Variants in TRPC4AP observed in about 807,000 individuals in gnomAD.
TRPC4AP encodes transient receptor potential cation channel subfamily C member 4 associated protein, also known as short transient receptor potential channel 4-associated protein.
TRPC4AP carries 45 observed loss-of-function variants against 99.0 expected under a neutral mutation model. The observed-to-expected ratio is 0.45, with a 90% CI of 0.36 to 0.58. The LOEUF is 0.58. Among genes scored for constraint, TRPC4AP ranks in the 20% least tolerant of loss-of-function variants. The pLI, the probability that TRPC4AP is intolerant of heterozygous loss-of-function variation, is 0.00. For synonymous variants in TRPC4AP, 408 were observed against 385.8 expected, an observed-to-expected ratio of 1.06 and a Z score of -0.67; for missense variants, 879 against 985.3, an observed-to-expected ratio of 0.89 and a Z score of 1.44.
chr20:35,091,321 G>A (rs558407709), intron 1 of TRPC4AP, among the ~76,000 whole-genome samples: 1 of 152,206 alleles, frequency 6.6e-6, no homozygotes, highest in African/African-American at 2.4e-5. Flanking sequence ...CTCATCTATG[G>A]TTGTGTGATG....
rs773894861 is a variant in TRPC4AP, at chr20:35,003,289, C to T, written c.2257-6G>A. 8 of 1,612,962 alleles carry T rather than the reference C, an allele frequency of 5.0e-6. No individual in the cohort carries two copies. The East Asian group carries it at 1.3e-4, about 27-fold the overall frequency. ...GAGAAGCTGATGCAGGAGCTCTGGG[C>T]AAAGAGGGAGGGGCTGGGGGGCGCC... is the stretch of plus-strand genomic sequence containing the variant. On this transcript the variant is annotated splice_polypyrimidine_tract_variant and splice_region_variant and intron_variant, in intron 18 of 18. Transcript: ENST00000252015.
At position 35,002,720 on chromosome 20, in the gene TRPC4AP, AGAAGCCTTTGCCTGGGTCC is replaced by A; in HGVS notation, c.*407_*425del. 1 of 181,342 alleles carries A rather than the reference AGAAGCCTTTGCCTGGGTCC, an allele frequency of 5.5e-6. No homozygotes were observed. The highest frequency in any genetic ancestry group is 1.5e-4 in the East Asian group (1 of 6,528). The allele number at this position is 181,342 out of a possible 1,614,324, so 11.2% of individuals were successfully genotyped here. On this transcript the variant is annotated 3_prime_UTR_variant, in exon 19 of 19. Transcript: ENST00000252015. ...TACCCACCACCCCTGCCCAGGGCTCAGAAGCCTTTGCCTGGGTCCAAAGGCCAGGGACAAGGGAGGCTTG... is the reference window on the plus strand; with the variant it reads ...TACCCACCACCCCTGCCCAGGGCTCAAAAGGCCAGGGACAAGGGAGGCTTG...
intron 8 of TRPC4AP, among the ~76,000 whole-genome samples, chr20:35,024,414 T>C (rs117487118): frequency 0.019 from 2,961 of 152,312 alleles, 52 homozygotes; most frequent in South Asian, 0.031. Flanking sequence ...ACTCATGCAA[T>C]ATGCCATCTT....
chr20:35,048,820 TG>T (rs1484934030), intron 6 of TRPC4AP, among the ~76,000 whole-genome samples: 1 of 152,180 alleles, frequency 6.6e-6, no homozygotes, highest in East Asian at 1.9e-4. Flanking sequence ...ACACACTGGC[TG>T]GAACACACAA....
At chr20:35,072,491 T>G (rs1055275508) in intron 2 of TRPC4AP, among the ~76,000 whole-genome samples, 2 of 152,254 alleles carry the variant, frequency 1.3e-5, no homozygotes, top group African/African-American at 4.8e-5. Flanking sequence ...GTTTCAGCTT[T>G]CTACATGTGG....
At chr20:35,029,360 G>A (rs2083110624) in intron 8 of TRPC4AP, among the ~76,000 whole-genome samples, 1 of 152,150 alleles carries the variant, frequency 6.6e-6, no homozygotes, top group South Asian at 2.1e-4. Flanking sequence ...TTGAAAGTGT[G>A]TTTTCTATAG....
chr20:35,065,311 T>C (rs1449839493), intron 3 of TRPC4AP, among the ~76,000 whole-genome samples: 1 of 152,216 alleles, frequency 6.6e-6, no homozygotes, highest in East Asian at 1.9e-4. Context: ...ACACACTCTC[T>C]AGCCCAAAAC....
rs202055388 is a variant in TRPC4AP at position 35,004,604 on chromosome 20, C to T, written c.1937-34G>A. On this transcript the variant is annotated intron_variant, in intron 16 of 18. Transcript: ENST00000252015. ...GGAGGCAGGGGTGCAGCAGGTCAGG[C>T]TTAGGCCCAGTGGCTGGGTCGCCCA... The T allele has an allele frequency of 1.6e-5, 25 of 1,596,020 alleles. No homozygotes were observed. In the East Asian group the frequency reaches 5.4e-4, roughly 35 times the overall value.
At chr20:35,034,636 G>A (rs1335540249) in intron 8 of TRPC4AP, among the ~76,000 whole-genome samples, 2 of 152,166 alleles carry the variant, frequency 1.3e-5, no homozygotes, top group Non-Finnish European at 2.9e-5. Flanking sequence ...AGAGTCAAAT[G>A]CTTTAAGGCT....
At chr20:35,018,619 A>AG (rs1343777255) in intron 9 of TRPC4AP, among the ~76,000 whole-genome samples, 1 of 151,232 alleles carries the variant, frequency 6.6e-6, no homozygotes, top group African/African-American at 2.4e-5. Flanking sequence ...AAAAAAAAAA[A>AG]AAAAAAAGAA....
At chr20:35,064,178 ATT>A (rs1452884673) in intron 3 of TRPC4AP, among the ~76,000 whole-genome samples, 1 of 152,322 alleles carries the variant, frequency 6.6e-6, no homozygotes, top group African/African-American at 2.4e-5. Context: ...ATACGTATGT[ATT>A]TTTTATTATT....
At chr20:35,042,827 T>C (rs980007770) in intron 7 of TRPC4AP, among the ~76,000 whole-genome samples, 4 of 152,324 alleles carry the variant, frequency 2.6e-5, no homozygotes, top group South Asian at 2.1e-4. Flanking sequence ...GAATAGTGTT[T>C]TGTTTTTAAG....
intron 12 of TRPC4AP, among the ~76,000 whole-genome samples, chr20:35,008,953 G>T (rs2082572684): frequency 6.6e-6 from 1 of 152,206 alleles, no homozygotes; most frequent in Non-Finnish European, 1.5e-5. Context: ...CCACATCTCA[G>T]GCCAGCTTTC....
intron 2 of TRPC4AP, among the ~76,000 whole-genome samples, chr20:35,077,235 T>C (rs2084504907): frequency 6.6e-6 from 1 of 152,190 alleles, no homozygotes; most frequent in South Asian, 2.1e-4. Flanking sequence ...TGCCCCGCCC[T>C]GCTTCAGCTC....
chr20:35,034,882 C>T (rs1034498435), intron 8 of TRPC4AP, among the ~76,000 whole-genome samples: 3 of 152,162 alleles, frequency 2.0e-5, no homozygotes, highest in Non-Finnish European at 4.4e-5. Context: ...CCCTGAGACA[C>T]AGCTGTCTCA....
In TRPC4AP at chr20:35,003,396, G is replaced by GA; in HGVS notation, c.2256+13_2256+14insT. 2.5e-6 allele frequency: 4 copies of GA among 1,613,814 alleles called. No homozygotes were observed. Among genetic ancestry groups the GA allele is most frequent in the Non-Finnish European group, 3.4e-6 (4 of 1,179,910 alleles). On this transcript the variant is annotated intron_variant, in intron 18 of 18. Coordinates refer to ENST00000252015, the MANE Select transcript of TRPC4AP (RefSeq NM_015638.3). ...GCGGCCCACCCATCACCCCCTTGAG[G>GA]GTGGGGCACTCACGTTCTCTAGGCA...
At chr20:35,083,329 G>A (rs1243922878) in intron 1 of TRPC4AP, among the ~76,000 whole-genome samples, 3 of 152,094 alleles carry the variant, frequency 2.0e-5, no homozygotes, top group Non-Finnish European at 4.4e-5. Context: ...GCTGGGCACA[G>A]TGGTTCACAC....
At chr20:35,014,314 A>AATTTTTTTTT (rs764649117) in intron 10 of TRPC4AP, among the ~76,000 whole-genome samples, 1 of 113,190 alleles carries the variant, frequency 8.8e-6, no homozygotes, top group African/African-American at 3.6e-5. Flanking sequence ...CTCAGGCAGA[A>AATTTTTTTTT]TTTTTTTTTT....
chr20:35,076,509 C>T (rs916673334), intron 2 of TRPC4AP, among the ~76,000 whole-genome samples: 36 of 152,266 alleles, frequency 2.4e-4, no homozygotes, highest in Non-Finnish European at 4.9e-4. Flanking sequence ...GCAGGTCTGT[C>T]AGAGTTTGCT....
Sources: allele counts gnomAD v4.1 joint callset (sites outside exome capture counted in the v4.1 genomes callset), GRCh38; gene constraint gnomAD v4.1.1; transcripts MANE v1.5; gene names NCBI Gene and HGNC (gene_info 2026-07-23, HGNC 2026-07-21).